The following CDH18 variants were observed in gnomAD, a reference collection of about 807,000 sequenced individuals.
The protein encoded by CDH18 is cadherin 18.
CDH18 carries 31 observed loss-of-function variants against 67.9 expected under a neutral mutation model. The ratio of observed to expected loss-of-function variants is 0.46; its 90% CI spans 0.34 to 0.62. The LOEUF (loss-of-function observed/expected upper bound fraction) is 0.62, where lower values mean the gene tolerates loss of function less well. Among genes scored for constraint, CDH18 ranks in the 20% least tolerant of loss-of-function variants. The pLI, the probability that CDH18 is intolerant of heterozygous loss-of-function variation, is 0.01. For missense variants in CDH18, 890 were observed against 975.5 expected, an observed-to-expected ratio of 0.91 and a Z score of 1.17; for synonymous variants, 362 against 347.2, an observed-to-expected ratio of 1.04 and a Z score of -0.48.
chr5:20,269,937 A>G (rs1745315137), intron 1 of CDH18, among the ~76,000 whole-genome samples: 5 of 152,080 alleles, frequency 3.3e-5, no homozygotes, highest in Admixed American at 2.0e-4. Context: ...TAATACCAGG[A>G]TAAGTCAACA....
intron 6 of CDH18, among the ~76,000 whole-genome samples, chr5:19,591,609 G>A (rs568837648): frequency 3.3e-5 from 5 of 151,880 alleles, no homozygotes; most frequent in Non-Finnish European, 7.4e-5. Context: ...TCCACCCATC[G>A]TAAATGTGAA....
At chr5:20,474,813 A>G (rs1752325521) in intron 1 of CDH18, among the ~76,000 whole-genome samples, 2 of 152,236 alleles carry the variant, frequency 1.3e-5, no homozygotes, top group Non-Finnish European at 2.9e-5. Flanking sequence ...CTGCCTTTTT[A>G]TTTCAGCTAA....
At chr5:20,108,434 C>A (rs184882416) in intron 2 of CDH18, among the ~76,000 whole-genome samples, 1 of 152,096 alleles carries the variant, frequency 6.6e-6, no homozygotes, top group Non-Finnish European at 1.5e-5. Flanking sequence ...AGTCTTATTT[C>A]GAGGAACTAG....
chr5:19,876,413 A>T lies in CDH18; in HGVS notation c.-256-37171T>A, dbSNP rs144208713. On this transcript the variant is annotated intron_variant, in intron 2 of 12. Transcript: ENST00000382275. ...AATATCAACTATAAGGTACAACTAG[A>T]TGGTTTATAAACAATAACGGGCCAG... Among the ~76,000 whole-genome samples the T allele has an allele frequency of 5.2e-3, 787 of 152,244 alleles. 2 individuals carry two copies. Among genetic ancestry groups the T allele is most frequent in the Non-Finnish European group, 8.3e-3 (562 of 68,014 alleles).
chr5:20,499,123 C>T (rs1754086163), intron 1 of CDH18, among the ~76,000 whole-genome samples: 1 of 151,974 alleles, frequency 6.6e-6, no homozygotes, highest in African/African-American at 2.4e-5. Flanking sequence ...CTCTCACACA[C>T]ATACACACAC....
chr5:20,470,272 T>C (rs1019156685), intron 1 of CDH18, among the ~76,000 whole-genome samples: 1 of 152,174 alleles, frequency 6.6e-6, no homozygotes. Flanking sequence ...ACACCACTCT[T>C]CTTTAATTTT....
At chr5:19,646,022 C>T (rs147241932) in intron 5 of CDH18, among the ~76,000 whole-genome samples, 1 of 152,124 alleles carries the variant, frequency 6.6e-6, no homozygotes, top group African/African-American at 2.4e-5. Context: ...CAAATGATGA[C>T]ATGGAGATCT....
In CDH18 at chr5:19,647,527, C is replaced by CAAAAAAAA. The variant is rs3062888; in HGVS notation, c.644-34934_644-34927dup. Among the ~76,000 whole-genome samples, 58 of 28,810 alleles carry CAAAAAAAA rather than the reference C, an allele frequency of 2.0e-3. 4 individuals are homozygous for CAAAAAAAA. Among genetic ancestry groups the CAAAAAAAA allele is most frequent in the East Asian group, 4.1e-3 (2 of 484 alleles). 18.9% of individuals were successfully genotyped at this position (28,810 alleles called of 152,430 possible). On this transcript the variant is annotated intron_variant, in intron 5 of 12. Coordinates refer to ENST00000382275, the MANE Select transcript of CDH18 (RefSeq NM_004934.5). ...CCCAGGTGACAGAGCGAGACTCCAT[C>CAAAAAAAA]AAAAAAAAAAAAAAAAAAAAAAAAA...
intron 2 of CDH18, among the ~76,000 whole-genome samples, chr5:20,232,969 A>G (rs948523166): frequency 5.3e-5 from 8 of 152,084 alleles, no homozygotes; most frequent in Admixed American, 2.0e-4. Flanking sequence ...AAAAATGAAT[A>G]TATGTCTTAT....
intron 3 of CDH18, among the ~76,000 whole-genome samples, chr5:19,781,984 T>C (rs541868335): frequency 8.9e-4 from 135 of 152,268 alleles, no homozygotes; most frequent in African/African-American, 3.2e-3. Flanking sequence ...AAATATATAT[T>C]CTGGCCAAAA....
At chr5:19,611,755 C>T (rs1442055744) in intron 6 of CDH18, among the ~76,000 whole-genome samples, 1 of 152,028 alleles carries the variant, frequency 6.6e-6, no homozygotes, top group African/African-American at 2.4e-5. Context: ...TTTTTAAAAA[C>T]TCAAATATAT....
chr5:19,885,312 T>C (rs1295817685), intron 2 of CDH18, among the ~76,000 whole-genome samples: 1 of 152,172 alleles, frequency 6.6e-6, no homozygotes, highest in East Asian at 1.9e-4. Flanking sequence ...TATAATGACA[T>C]CCAGTTTATT....
intron 5 of CDH18, among the ~76,000 whole-genome samples, chr5:19,709,769 G>C (rs962698497): frequency 5.9e-5 from 9 of 151,980 alleles, no homozygotes; most frequent in Admixed American, 4.6e-4. Flanking sequence ...GGGAGAGTTA[G>C]GCACATAAGA....
intron 1 of CDH18, among the ~76,000 whole-genome samples, chr5:20,286,772 A>G (rs748613671): frequency 6.6e-6 from 1 of 151,686 alleles, no homozygotes; most frequent in Non-Finnish European, 1.5e-5. Context: ...ATGGTGACTA[A>G]GTTTATGATC....
chr5:19,785,142 G>C (rs1775563463), intron 3 of CDH18, among the ~76,000 whole-genome samples: 2 of 152,058 alleles, frequency 1.3e-5, no homozygotes, highest in African/African-American at 4.8e-5. Flanking sequence ...ACTCATATTG[G>C]CTGAACGTAA....
intron 1 of CDH18, among the ~76,000 whole-genome samples, chr5:20,275,539 A>G (rs1212048916): frequency 1.3e-5 from 2 of 152,204 alleles, no homozygotes; most frequent in Admixed American, 6.5e-5. Flanking sequence ...TAACAGTTGT[A>G]TCACACAAGC....
chr5:19,552,839 G>A (rs1737708422), intron 8 of CDH18, among the ~76,000 whole-genome samples: 1 of 152,092 alleles, frequency 6.6e-6, no homozygotes, highest in African/African-American at 2.4e-5. Context: ...ATCTTGCCAA[G>A]TTCCCAATAT....
chr5:20,166,533 A>G (rs1234813085), intron 2 of CDH18, among the ~76,000 whole-genome samples: 1 of 152,092 alleles, frequency 6.6e-6, no homozygotes, highest in Non-Finnish European at 1.5e-5. Flanking sequence ...ATTGCCACCT[A>G]CAGAACTGGT....
chr5:20,416,867 G>A (rs908132799), intron 1 of CDH18, among the ~76,000 whole-genome samples: 6 of 152,066 alleles, frequency 3.9e-5, no homozygotes, highest in African/African-American at 1.4e-4. Context: ...TCAGTAAAAA[G>A]AGCCAGATTA....
Sources: allele counts gnomAD v4.1 joint callset (sites outside exome capture counted in the v4.1 genomes callset), GRCh38; gene constraint gnomAD v4.1.1; transcripts MANE v1.5; gene names NCBI Gene and HGNC (gene_info 2026-07-23, HGNC 2026-07-21).